Variants in BRD4 observed in about 807,000 individuals in gnomAD.
BRD4 encodes bromodomain containing 4.
A neutral mutation model predicts 142.1 loss-of-function variants in BRD4; 16 were observed. The ratio of observed to expected loss-of-function variants is 0.11; its 90% CI spans 0.08 to 0.17. The LOEUF is 0.17. BRD4 is among the 10% of genes least tolerant of loss of function. The probability of loss-of-function intolerance (pLI) is 1.00; values close to 1 mark genes in which losing one functional copy is unlikely to be tolerated. For synonymous variants in BRD4, 833 were observed against 707.5 expected (o/e 1.18, Z -2.82); for missense variants, 1,424 against 1,810.9 (o/e 0.79, Z 3.88).
chr19:15,312,937 A>G (rs969552494), intron 1 of BRD4, among the ~76,000 whole-genome samples: 3 of 152,156 alleles, frequency 2.0e-5, no homozygotes, highest in African/African-American at 7.2e-5. Context: ...CTCTCAAAAC[A>G]AAACAAAGAT....
intron 7 of BRD4, 130 bp downstream of exon 7, chr19:15,263,290 T>C: frequency 1.6e-6 from 2 of 1,239,128 alleles, no homozygotes; most frequent in Non-Finnish European, 2.2e-6. Context: ...TAGGCACTTT[T>C]CTAAAGCAAC....
intron 5 of BRD4, among the ~76,000 whole-genome samples, chr19:15,265,001 A>G (rs1353026405): frequency 2.0e-5 from 3 of 152,234 alleles, no homozygotes; most frequent in African/African-American, 7.2e-5. Flanking sequence ...CTGTGTGCTC[A>G]CTTGGAAGCC....
chr19:15,257,413 G>A (rs1242550118), intron 7 of BRD4: 15 of 553,066 alleles, frequency 2.7e-5, no homozygotes, highest in South Asian at 7.0e-5. Flanking sequence ...CAGAGATAGC[G>A]GGGCACTCAC....
At chr19:15,276,498 A>ACTCT (rs141468815) in intron 1 of BRD4, among the ~76,000 whole-genome samples, 127 of 145,578 alleles carry the variant, frequency 8.7e-4, no homozygotes, top group African/African-American at 3.1e-3. Context: ...AGGCTCACAG[A>ACTCT]CTCTCTCTCT....
At chr19:15,322,109 C>T (rs181917633) in intron 1 of BRD4, among the ~76,000 whole-genome samples, 109 of 152,228 alleles carry the variant, frequency 7.2e-4, no homozygotes, top group African/African-American at 2.6e-3. Flanking sequence ...CATGACCCCC[C>T]CATAAGAAAC....
chr19:15,246,676 G>A (rs1196036332), intron 11 of BRD4: 1 of 152,102 alleles, frequency 6.6e-6, no homozygotes, highest in Non-Finnish European at 1.5e-5. Context: ...GTGAGCAGAG[G>A]CCCATAGGAG....
intron 1 of BRD4, among the ~76,000 whole-genome samples, chr19:15,296,731 C>T (rs1024868178): frequency 3.3e-5 from 5 of 152,192 alleles, no homozygotes; most frequent in Non-Finnish European, 5.9e-5. Context: ...AGCGGCAGAG[C>T]TTTAAGTTGG....
chr19:15,302,182 G>C (rs1378046813), intron 1 of BRD4, among the ~76,000 whole-genome samples: 3 of 151,868 alleles, frequency 2.0e-5, no homozygotes, highest in Admixed American at 2.0e-4. Flanking sequence ...AAAAAAAGGG[G>C]AATTTTATTG....
chr19:15,286,472 C>G (rs1454127304), intron 1 of BRD4, among the ~76,000 whole-genome samples: 2 of 152,200 alleles, frequency 1.3e-5, no homozygotes, highest in African/African-American at 4.8e-5. Context: ...CTGCGCATGT[C>G]CAACAGAAAT....
intron 1 of BRD4, among the ~76,000 whole-genome samples, chr19:15,280,061 T>C (rs1184763612): frequency 1.3e-5 from 2 of 152,238 alleles, no homozygotes; most frequent in Non-Finnish European, 2.9e-5. Flanking sequence ...CTGCCACTTC[T>C]TGAGCTGATG....
At chr19:15,244,922 G>A in intron 11 of BRD4, 160 bp from the exon 12 acceptor site, 1 of 1,287,192 alleles carries the variant, frequency 7.8e-7, no homozygotes. Flanking sequence ...GTCATCACGG[G>A]AGAGGGAGAG....
intron 1 of BRD4, among the ~76,000 whole-genome samples, chr19:15,278,337 C>T (rs1036218494): frequency 2.6e-5 from 4 of 151,692 alleles, no homozygotes; most frequent in Non-Finnish European, 5.9e-5. Flanking sequence ...GAGTTGCAGA[C>T]CAGCCTGCCA....
chr19:15,269,095 A>G, intron 2 of BRD4, 53 bp from the exon 3 acceptor site: 1 of 1,603,220 alleles, frequency 6.2e-7, no homozygotes, highest in Non-Finnish European at 8.5e-7. Context: ...AGGCAGCACA[A>G]ACGCTGGGCT....
At chr19:15,254,617 G>A (rs905529689) in intron 10 of BRD4, among the ~76,000 whole-genome samples, 5 of 152,168 alleles carry the variant, frequency 3.3e-5, no homozygotes, top group Admixed American at 6.5e-5. Context: ...AGGGGAAGAA[G>A]AAGATCCAAA....
chr19:15,271,777 T>C (rs1459103062), intron 2 of BRD4, among the ~76,000 whole-genome samples: 2 of 152,358 alleles, frequency 1.3e-5, no homozygotes, highest in East Asian at 1.9e-4. Flanking sequence ...AGACACGTAC[T>C]GCCCTGTTCT....
rs1568383751 is a variant in BRD4 at position 15,255,483 on chromosome 19, C to T, written c.1861G>A (p.Asp621Asn). The T allele has an allele frequency of 2.5e-6, 4 of 1,614,044 alleles. No homozygotes were observed. The highest frequency in any genetic ancestry group is 3.4e-6 in the Non-Finnish European group (4 of 1,180,048). The change falls in exon 10 of 20, where the codon GAC becomes AAC. Residue 621 changes from aspartate to asparagine, a missense_variant. Physicochemically the swap from Asp to Asn is conservative, Grantham distance 23. Around this residue, in one of 16 missense-constraint regions of BRD4, gnomAD observed 46 missense variants for 110.4 expected, o/e 0.42. Transcript: ENST00000679869. ...SYEEKRQLSL[D>N]INKLPGEKLG... ...TTCTCGCCGGGGAGCTTGTTGATGT[C>T]CAAGCTGAGCTGCCGCTTCTCCTCA...
chr19:15,281,335 C>T (rs2047702622), intron 1 of BRD4, among the ~76,000 whole-genome samples: 1 of 152,156 alleles, frequency 6.6e-6, no homozygotes, highest in Non-Finnish European at 1.5e-5. Flanking sequence ...GATATACTGG[C>T]CTTGCTGCTA....
At chr19:15,249,304 G>C in intron 11 of BRD4, 1 of 1,614,004 alleles carries the variant, frequency 6.2e-7, no homozygotes, top group Non-Finnish European at 8.5e-7. Flanking sequence ...CGTAGAGGGA[G>C]AGAGAAACCA....
At chr19:15,308,842 C>T (rs1275881444) in intron 1 of BRD4, among the ~76,000 whole-genome samples, 5 of 151,048 alleles carry the variant, frequency 3.3e-5, no homozygotes, top group African/African-American at 1.2e-4. Flanking sequence ...GGTGAAACCC[C>T]GTCTCTACTA....
Sources: gnomAD v4.1 joint callset for allele counts (sites outside exome capture counted in the v4.1 genomes callset) on GRCh38, gnomAD v4.1.1 for gene constraint, gnomAD v4.1.1 regional missense constraint, MANE v1.5 for transcripts, NCBI Gene and HGNC (gene_info 2026-07-23, HGNC 2026-07-21) for gene names.